Variants in PSG1 observed in about 807,000 individuals in gnomAD.
The protein encoded by PSG1 is pregnancy-specific beta-1-glycoprotein 1.
Under a neutral mutation model 41.4 loss-of-function variants are expected in PSG1, and 60 were observed. That is an observed-to-expected ratio of 1.45 (90% CI 1.18 to 1.80). The LOEUF (loss-of-function observed/expected upper bound fraction) is 1.80, where lower values mean the gene tolerates loss of function less well. PSG1 is among the 40% of genes most tolerant of loss of function. PSG1 has a pLI of 0.00. For missense variants in PSG1, 806 were observed against 516.9 expected (o/e 1.56, Z -5.42); for synonymous variants, 256 against 192.9 (o/e 1.33, Z -2.71).
chr19:42,868,330 G>T lies in PSG1; in HGVS notation c.1014C>A (p.Tyr338Ter), dbSNP rs756779526. 1.5e-5 allele frequency: 24 copies of T among 1,611,344 alleles called. 1 individual carries two copies. Among genetic ancestry groups the T allele is most frequent in the Non-Finnish European group, 1.9e-5 (22 of 1,178,552 alleles). The stretch of plus-strand genomic sequence containing the variant: ...CTGAACGGTAATAGGTGAATGAAGG[G>T]TAAATTCTGGGGAGGTCTGGACCAT... Reference protein sequence around the residue: ...VLYGPDLPRIYPSFTYYRSGE... With the variant: ...VLYGPDLPRI Residue 338 changes from tyrosine to a stop codon, truncating the protein, a stop_gained, in exon 5 of 6, where the codon TAC becomes TAA. Coordinates refer to ENST00000436291, the MANE Select transcript of PSG1 (RefSeq NM_001184825.2). LOFTEE classifies it high-confidence loss of function.
At chr19:42,868,396 G>A (rs756228870) in intron 4 of PSG1, 41 bp from the exon 5 acceptor site, 33 of 1,571,238 alleles carry the variant, frequency 2.1e-5, no homozygotes, top group Non-Finnish European at 2.6e-5. Context: ...TGTCATCTGA[G>A]GGAAGGGGAT....
rs1219876335 is a variant in PSG1 at position 42,866,687 on chromosome 19, G to C, written c.*447C>G. 8.5e-6 allele frequency: 3 copies of C among 352,446 alleles called. No homozygotes were observed. Among genetic ancestry groups the C allele is most frequent in the Non-Finnish European group, 1.6e-5 (3 of 188,902 alleles). 21.8% of individuals were successfully genotyped at this position (352,446 alleles called of 1,614,324 possible). On this transcript the variant is annotated 3_prime_UTR_variant, in exon 6 of 6. Transcript: ENST00000436291. ...TTGGGAGCCCTGTATGCAAGGTGGAGAGAGCCACATTTCCCCCTGAGATGT... is the reference window on the plus strand; with the variant it reads ...TTGGGAGCCCTGTATGCAAGGTGGACAGAGCCACATTTCCCCCTGAGATGT...
chr19:42,878,158 A>G lies in PSG1; in HGVS notation c.185T>C (p.Leu62Pro). The G allele has an allele frequency of 6.2e-7, 1 of 1,612,260 alleles. No homozygotes were observed. Among genetic ancestry groups the G allele is most frequent in the Non-Finnish European group, 8.5e-7 (1 of 1,179,168 alleles). ...LLLVHNLPQN[L>P]TGYIWYKGQM... The stretch of plus-strand genomic sequence containing the variant: ...CCCTTTGTACCAGATGTAGCCGGTA[A>G]GATTCTGGGGCAAATTGTGGACAAG... The change falls in exon 2 of 6, where the codon CTT becomes CCT. Residue 62 changes from leucine (L) to proline (P), a missense_variant. Transcript: ENST00000436291.
In PSG1 at chr19:42,878,213, T is replaced by G. The variant is rs1257680552; in HGVS notation, c.130A>C (p.Lys44Gln). ...AGAACATCCTTCCCCTCGGAAACTTTGGTTGGCTCGGCTTCAATCGTGACT... is the reference window on the plus strand; with the variant it reads ...AGAACATCCTTCCCCTCGGAAACTTGGGTTGGCTCGGCTTCAATCGTGACT... Reference protein sequence around the residue: ...AQVTIEAEPTKVSEGKDVLLL... With the variant: ...AQVTIEAEPTQVSEGKDVLLL... The change falls in exon 2 of 6, where the codon AAA becomes CAA. Residue 44 changes from lysine to glutamine, a missense_variant. Lys to Gln is a moderately conservative substitution (Grantham distance 53). Transcript: ENST00000436291. 1 of 1,611,468 alleles carries G rather than the reference T, an allele frequency of 6.2e-7. No homozygotes were observed. Among genetic ancestry groups the G allele is most frequent in the South Asian group, 1.1e-5 (1 of 90,580 alleles).
In PSG1 at chr19:42,874,793, A is replaced by G. The variant is rs374823810; in HGVS notation, c.431-2748T>C. On this transcript the variant is annotated intron_variant, in intron 2 of 5. Coordinates refer to ENST00000436291, the MANE Select transcript of PSG1 (RefSeq NM_001184825.2). Reference sequence around the variant, plus strand: ...GACCGGAGAATGTGAGCTCCATAGCAGGTTGAGGATGGCGTCATGAGTGAG... The same window carrying G: ...GACCGGAGAATGTGAGCTCCATAGCGGGTTGAGGATGGCGTCATGAGTGAG... Among the ~76,000 whole-genome samples the G allele has an allele frequency of 1.2e-4, 18 of 151,662 alleles. 1 individual carries two copies. The East Asian group carries it at 2.5e-3, about 21-fold the overall frequency.
intron 2 of PSG1, among the ~76,000 whole-genome samples, chr19:42,877,149 A>C (rs1006504986): frequency 6.6e-5 from 10 of 151,712 alleles, no homozygotes; most frequent in African/African-American, 2.4e-4. Flanking sequence ...ATTTGCTTCC[A>C]TGAGAAAGCA....
At chr19:42,868,681 G>C in intron 4 of PSG1, 75 bp downstream of exon 4, 1 of 1,595,636 alleles carries the variant, frequency 6.3e-7, no homozygotes, top group South Asian at 1.1e-5. Flanking sequence ...ACCGGAGAGA[G>C]ACTGAGAGGC....
rs776145193 is a variant in PSG1 at position 42,871,785 on chromosome 19, C to A, written c.691G>T (p.Val231Phe). 2.7e-5 allele frequency: 43 copies of A among 1,612,498 alleles called. 1 individual carries two copies. Among genetic ancestry groups the A allele is most frequent in the Non-Finnish European group, 3.1e-5 (36 of 1,179,262 alleles). ...NPVSASRSDP[V>F]TLNLLPKLPK... ...TACTCACGGAGGAGATTCAGGGTGA[C>A]TGGGTCACTGCGGCTGGCACTCACT... Residue 231 changes from valine to phenylalanine, a missense_variant, in exon 3 of 6, where the codon GTC (valine) becomes TTC (phenylalanine). Val to Phe is a conservative substitution (Grantham distance 50). Coordinates refer to ENST00000436291, the MANE Select transcript of PSG1 (RefSeq NM_001184825.2).
At chr19:42,872,837 A>G in intron 2 of PSG1, among the ~76,000 whole-genome samples, 1 of 151,828 alleles carries the variant, frequency 6.6e-6, no homozygotes, top group East Asian at 1.9e-4. Flanking sequence ...CTAGAAATAC[A>G]TGTGGATCTT....
chr19:42,876,013 G>A (rs1026838798), intron 2 of PSG1, among the ~76,000 whole-genome samples: 2 of 151,242 alleles, frequency 1.3e-5, no homozygotes, highest in Admixed American at 6.6e-5. Flanking sequence ...TCGAGAGGAA[G>A]CCTGGCAGGA....
rs1052688410 is a variant in PSG1, at chr19:42,866,793, G to C, written c.*341C>G. On this transcript the variant is annotated 3_prime_UTR_variant, in exon 6 of 6. Transcript: ENST00000436291. ...AAGCTACTACATGTGAAATTCTAAT[G>C]ACTGCATTATCCTGCCAAGTGAAAG... The C allele has an allele frequency of 4.5e-5, 25 of 551,358 alleles. No individual in the cohort carries two copies. The highest frequency in any genetic ancestry group is 6.8e-5 in the Non-Finnish European group (21 of 307,644). 34.2% of individuals were successfully genotyped at this position (551,358 alleles called of 1,614,324 possible).
intron 2 of PSG1, among the ~76,000 whole-genome samples, chr19:42,874,509 G>T (rs977051303): frequency 1.3e-5 from 2 of 151,516 alleles, no homozygotes; most frequent in African/African-American, 2.4e-5. Context: ...ACCATGCCTG[G>T]CTAATTTTTT....
rs576306424 is a variant in PSG1, at chr19:42,875,443, G to T, written c.430+2470C>A. Among the ~76,000 whole-genome samples the T allele has an allele frequency of 2.0e-5, 3 of 151,778 alleles. No individual in the cohort carries two copies. The East Asian group carries it at 5.8e-4, about 29-fold the overall frequency. ...AAATTTGTAACTAATTGCTCCTATA[G>T]ATAACATCACTATTGTAGAACGTGA... On this transcript the variant is annotated intron_variant, in intron 2 of 5. Coordinates refer to ENST00000436291, the MANE Select transcript of PSG1 (RefSeq NM_001184825.2).
intron 2 of PSG1, 131 bp downstream of exon 2, chr19:42,877,782 A>G (rs1228477687): frequency 5.1e-6 from 8 of 1,562,780 alleles, no homozygotes; most frequent in South Asian, 1.1e-5. Flanking sequence ...CCTGCACTAA[A>G]TGCCCAAATC....
Position 42,866,932 on chromosome 19 carries a change from C to T in PSG1, c.*202G>A. 1.4e-6 allele frequency: 1 copy of T among 718,618 alleles called. No individual in the cohort carries two copies. Among genetic ancestry groups the T allele is most frequent in the East Asian group, 2.6e-5 (1 of 38,698 alleles). 44.5% of individuals were successfully genotyped at this position (718,618 alleles called of 1,614,324 possible). A position where few individuals can be genotyped will look rare whatever the true frequency, so the allele number is the denominator to read the frequency against. ...CAGTGTGAAGTCATCCACTTGTTGT[C>T]CTGGTTTACAGTTTGAGCATCTGTT... On this transcript the variant is annotated 3_prime_UTR_variant, in exon 6 of 6. Transcript: ENST00000436291.
chr19:42,868,019 C>A lies in PSG1; in HGVS notation c.1243+82G>T, dbSNP rs779255087. Reference sequence around the variant, plus strand: ...GCCCATGGGACACAGGCTGGGAATACAATTGTTTTCCTGACTCTTCTCTGA... The same window carrying A: ...GCCCATGGGACACAGGCTGGGAATAAAATTGTTTTCCTGACTCTTCTCTGA... On this transcript the variant is annotated intron_variant, in intron 5 of 5. Coordinates refer to ENST00000436291, the MANE Select transcript of PSG1 (RefSeq NM_001184825.2). 4.7e-5 allele frequency: 75 copies of A among 1,610,218 alleles called. 2 individuals carry two copies. Among genetic ancestry groups the A allele is most frequent in the Non-Finnish European group, 5.9e-5 (69 of 1,178,656 alleles).
chr19:42,869,927 T>C (rs1338796172), intron 3 of PSG1: 2 of 151,682 alleles, frequency 1.3e-5, no homozygotes, highest in African/African-American at 4.8e-5. Context: ...GTGTGTTTGA[T>C]GGATATGAGA....
chr19:42,869,032 T>C lies in PSG1; in HGVS notation c.712A>G (p.Lys238Glu), dbSNP rs757096969. 1.2e-6 allele frequency: 2 copies of C among 1,607,178 alleles called. No individual in the cohort carries two copies. Among genetic ancestry groups the C allele is most frequent in the South Asian group, 2.2e-5 (2 of 89,952 alleles). Residue 238 changes from lysine (K) to glutamate (E), a missense_variant and splice_region_variant, in exon 4 of 6, where the codon AAG (lysine) becomes GAG (glutamate). Physicochemically the swap from Lys to Glu is moderately conservative, Grantham distance 56. Coordinates refer to ENST00000436291, the MANE Select transcript of PSG1 (RefSeq NM_001184825.2). ...SDPVTLNLLP[K>E]LPKPYITINN... The stretch of plus-strand genomic sequence containing the variant: ...ATGGTGATGTAGGGCTTGGGCAGCT[T>C]CGCTGTGTGGATAACAGAGAGAAGA...
intron 3 of PSG1, 55 bp from the exon 4 acceptor site, chr19:42,869,089 A>T (rs1016735585): frequency 2.5e-6 from 4 of 1,594,702 alleles, no homozygotes; most frequent in Admixed American, 3.4e-5. Context: ...ATTCCTCCAC[A>T]GGTATCCTTC....
Sources: gnomAD v4.1 joint callset for allele counts (sites outside exome capture counted in the v4.1 genomes callset) on GRCh38, gnomAD v4.1.1 for gene constraint, MANE v1.5 for transcripts, NCBI Gene and HGNC (gene_info 2026-07-23, HGNC 2026-07-21) for gene names.